RUNDC3B: variants seen among roughly 807,000 people sequenced by gnomAD.
RUNDC3B encodes RUN domain containing 3B.
In RUNDC3B, 33 loss-of-function variants were observed where a neutral mutation model predicts 58.4. The ratio of observed to expected loss-of-function variants is 0.56; its 90% confidence interval spans 0.43 to 0.75. The LOEUF is 0.75. Ranked by LOEUF, RUNDC3B falls within the 30% of genes least tolerant of loss-of-function variation. The pLI is 0.00. For synonymous variants in RUNDC3B, 193 were observed against 195.2 expected (o/e 0.99, Z 0.10); for missense variants, 501 against 535.7 (o/e 0.94, Z 0.64).
At position 87,829,969 on chromosome 7, in the gene RUNDC3B, C is replaced by T; in HGVS notation, c.1310C>T (p.Ser437Phe). 6.2e-7 allele frequency: 1 copy of T among 1,609,166 alleles called. No individual in the cohort carries two copies. Among genetic ancestry groups the T allele is most frequent in the Non-Finnish European group, 8.5e-7 (1 of 1,177,088 alleles). ...TACAAGTCTCTAACAAGCTTAAAAT[C>T]TAATGACTACCTTGCAAGTCCTACA... is the stretch of plus-strand genomic sequence containing the variant. ...ASYKSLTSLK[S>F]NDYLASPTTE... The change falls in exon 11 of 11, where the codon TCT (serine) becomes TTT (phenylalanine). Residue 437 changes from serine (S) to phenylalanine (F), a missense_variant. Transcript: ENST00000394654.
intron 2 of RUNDC3B, among the ~76,000 whole-genome samples, chr7:87,690,632 G>A (rs1319511464): frequency 2.6e-5 from 4 of 152,072 alleles, no homozygotes; most frequent in Non-Finnish European, 5.9e-5. Context: ...CAGTACTGTA[G>A]CATTTTTATC....
At chr7:87,674,604 T>C (rs780346031) in intron 2 of RUNDC3B, among the ~76,000 whole-genome samples, 3 of 152,038 alleles carry the variant, frequency 2.0e-5, no homozygotes, top group Non-Finnish European at 2.9e-5. Context: ...GTGAGGCAAG[T>C]CTGCCTTGGG....
intron 2 of RUNDC3B, among the ~76,000 whole-genome samples, chr7:87,696,115 A>T (rs1234136761): frequency 2.6e-5 from 4 of 152,186 alleles, no homozygotes; most frequent in African/African-American, 9.6e-5. Flanking sequence ...GTTAACTTCC[A>T]AGAATACTTA....
chr7:87,669,899 A>G (rs915968993), intron 2 of RUNDC3B, among the ~76,000 whole-genome samples: 1 of 152,072 alleles, frequency 6.6e-6, no homozygotes, highest in Non-Finnish European at 1.5e-5. Context: ...AGCTGCCTTT[A>G]AAAGTCTTTC....
At chr7:87,777,606 T>A (rs1427171703) in intron 7 of RUNDC3B, among the ~76,000 whole-genome samples, 192 bp from the exon 8 acceptor site, 1 of 152,210 alleles carries the variant, frequency 6.6e-6, no homozygotes, top group South Asian at 2.1e-4. Flanking sequence ...GAGAAGAGTT[T>A]TAAATAATGG....
At chr7:87,820,790 C>T (rs1236973942) in intron 10 of RUNDC3B, among the ~76,000 whole-genome samples, 1 of 151,372 alleles carries the variant, frequency 6.6e-6, no homozygotes, top group Non-Finnish European at 1.5e-5. Flanking sequence ...ACAAAAACCA[C>T]ATGATTATCT....
intron 1 of RUNDC3B, among the ~76,000 whole-genome samples, chr7:87,641,963 T>C (rs1180162974): frequency 6.6e-6 from 1 of 152,078 alleles, no homozygotes; most frequent in Non-Finnish European, 1.5e-5. Context: ...ATTTAAAATT[T>C]TCATAAATCA....
intron 4 of RUNDC3B, among the ~76,000 whole-genome samples, chr7:87,719,256 A>C (rs950476325): frequency 2.6e-5 from 4 of 152,062 alleles, no homozygotes; most frequent in African/African-American, 9.6e-5. Context: ...TTAAAATGGG[A>C]AGAAGTCTTT....
intron 8 of RUNDC3B, among the ~76,000 whole-genome samples, chr7:87,789,410 C>G (rs1835405945): frequency 6.6e-6 from 1 of 152,136 alleles, no homozygotes; most frequent in East Asian, 1.9e-4. Flanking sequence ...GTAGTGAGTA[C>G]TGATGGCATG....
chr7:87,760,633 C>T (rs1011728932), intron 6 of RUNDC3B, among the ~76,000 whole-genome samples: 3 of 151,962 alleles, frequency 2.0e-5, no homozygotes, highest in Admixed American at 6.6e-5. Flanking sequence ...GATATACATA[C>T]AAATCAACAG....
chr7:87,671,215 C>G (rs1425744194), intron 2 of RUNDC3B, among the ~76,000 whole-genome samples: 1 of 152,200 alleles, frequency 6.6e-6, no homozygotes, highest in Non-Finnish European at 1.5e-5. Context: ...GGCCTCCTCT[C>G]CTTGGGCTGA....
chr7:87,694,105 T>G (rs534342087), intron 2 of RUNDC3B: 7 of 1,448,010 alleles, frequency 4.8e-6, no homozygotes, highest in East Asian at 4.9e-5. Flanking sequence ...TTTTTGTTTT[T>G]TTTTTTTAAT....
chr7:87,656,616 T>C (rs1563108348), intron 2 of RUNDC3B, among the ~76,000 whole-genome samples: 2 of 152,062 alleles, frequency 1.3e-5, no homozygotes, highest in Non-Finnish European at 2.9e-5. Flanking sequence ...AGAAAGACGT[T>C]AGAGGATACT....
chr7:87,701,872 G>A (rs113152235), intron 3 of RUNDC3B, among the ~76,000 whole-genome samples: 4,439 of 152,024 alleles, frequency 0.029, 209 homozygotes, highest in African/African-American at 0.1. Flanking sequence ...GGCCGGGCGC[G>A]GTGGCTCACG....
chr7:87,725,080 C>T (rs1831137106), intron 4 of RUNDC3B, among the ~76,000 whole-genome samples: 1 of 151,978 alleles, frequency 6.6e-6, no homozygotes, highest in South Asian at 2.1e-4. Context: ...AATATTTATA[C>T]TAATTTTAAT....
In RUNDC3B at chr7:87,757,678, G is replaced by A. The variant is rs184250757; in HGVS notation, c.630-12903G>A. ...AGAAAAAATTATACAAAATTATGTG[G>A]AACCACAAAAGACCCAGAATAGCCA... On this transcript the variant is annotated intron_variant, in intron 6 of 10. Transcript: ENST00000394654. Among the ~76,000 whole-genome samples the A allele has an allele frequency of 3.1e-3, 470 of 152,076 alleles. 4 individuals are homozygous for A. The highest frequency in any genetic ancestry group is 4.1e-3 in the Non-Finnish European group (278 of 67,960).
intron 6 of RUNDC3B, among the ~76,000 whole-genome samples, chr7:87,751,948 G>A (rs1584103128): frequency 1.3e-5 from 2 of 152,196 alleles, no homozygotes; most frequent in East Asian, 1.9e-4. Flanking sequence ...TCCCTGTCTT[G>A]TGCCAGTTTT....
At chr7:87,806,899 AT>A (rs1338193451) in intron 8 of RUNDC3B, among the ~76,000 whole-genome samples, 3 of 151,866 alleles carry the variant, frequency 2.0e-5, no homozygotes, top group Admixed American at 6.6e-5. Context: ...TTTATTTTAT[AT>A]TTTTTTGCAG....
chr7:87,754,595 A>G (rs1833245194), intron 6 of RUNDC3B, among the ~76,000 whole-genome samples: 1 of 152,210 alleles, frequency 6.6e-6, no homozygotes, highest in African/African-American at 2.4e-5. Flanking sequence ...TCAGAGCTAA[A>G]CTGAAGGAAA....
Sources: gnomAD v4.1 joint callset for allele counts (sites outside exome capture counted in the v4.1 genomes callset) on GRCh38, gnomAD v4.1.1 for gene constraint, MANE v1.5 for transcripts, NCBI Gene and HGNC (gene_info 2026-07-23, HGNC 2026-07-21) for gene names.